Variants in RHOJ observed in about 807,000 individuals in gnomAD.
RHOJ encodes the protein ras homolog family member J.
RHOJ carries 11 observed loss-of-function variants against 23.4 expected under a neutral mutation model. The ratio of observed to expected loss-of-function variants is 0.47; its 90% CI spans 0.30 to 0.78. The LOEUF (loss-of-function observed/expected upper bound fraction) is 0.78. RHOJ is among the 30% of genes least tolerant of loss of function. The pLI is 0.08. For missense variants in RHOJ, 254 were observed against 273.4 expected, an observed-to-expected ratio of 0.93 and a Z score of 0.50; for synonymous variants, 102 against 102.7, an observed-to-expected ratio of 0.99 and a Z score of 0.04.
rs368436257 is a variant in RHOJ, at chr14:63,290,725, G to GAAA, written c.499-140_499-138dup. ...AGGATAGCAGATACAAATTGAAATGGAAAAAAAAAAAAAAAGACAAACATA... is the reference window on the plus strand; with the variant it reads ...AGGATAGCAGATACAAATTGAAATGGAAAAAAAAAAAAAAAAAAGACAAACATA... On this transcript the variant is annotated intron_variant, in intron 4 of 4. Coordinates refer to ENST00000316754, the MANE Select transcript of RHOJ (RefSeq NM_020663.5). Among the ~76,000 whole-genome samples, 59 of 125,804 alleles carry GAAA rather than the reference G, an allele frequency of 4.7e-4. No individual in the cohort carries two copies. The South Asian group carries it at 0.015, about 32-fold the overall frequency. 82.5% of individuals were successfully genotyped at this position (125,804 alleles called of 152,430 possible). A position where few individuals can be genotyped will look rare whatever the true frequency, so the allele number is the denominator to read the frequency against.
chr14:63,204,795 C>T lies in RHOJ; in HGVS notation c.-75C>T. The T allele has an allele frequency of 1.3e-6, 2 of 1,489,434 alleles. No individual in the cohort carries two copies. The highest frequency in any genetic ancestry group is 1.8e-6 in the Non-Finnish European group (2 of 1,092,008). The allele number at this position is 1,489,434 out of a possible 1,614,324, so 92.3% of individuals were successfully genotyped here. On this transcript the variant is annotated 5_prime_UTR_variant, in exon 1 of 5. Coordinates refer to ENST00000316754, the MANE Select transcript of RHOJ (RefSeq NM_020663.5). ...TAAACTCAAGCCTGGCACTGGCTTT[C>T]TGCCGCTTCATGTGCTTTGGAAAAA...
At chr14:63,270,019 C>T (rs1895438760) in intron 2 of RHOJ, among the ~76,000 whole-genome samples, 2 of 152,130 alleles carry the variant, frequency 1.3e-5, no homozygotes, top group African/African-American at 4.8e-5. Context: ...TACCGTATGT[C>T]TTGGGTCATC....
chr14:63,234,826 CTG>C (rs1206590613), intron 1 of RHOJ, among the ~76,000 whole-genome samples: 1 of 152,200 alleles, frequency 6.6e-6, no homozygotes, highest in African/African-American at 2.4e-5. Context: ...ATGCAAATAA[CTG>C]TTTTCTTTAA....
chr14:63,278,806 G>A (rs1194911205), intron 2 of RHOJ, among the ~76,000 whole-genome samples: 1 of 152,012 alleles, frequency 6.6e-6, no homozygotes, highest in Non-Finnish European at 1.5e-5. Context: ...GCAACACAGT[G>A]AGACCCCCAT....
intron 1 of RHOJ, among the ~76,000 whole-genome samples, chr14:63,228,909 C>T (rs142276925): frequency 1.1e-3 from 166 of 152,302 alleles, no homozygotes; most frequent in African/African-American, 3.9e-3. Flanking sequence ...CTTCCAGAGC[C>T]CTCAGTGAGG....
At chr14:63,282,464 C>A (rs1881942213) in intron 3 of RHOJ, among the ~76,000 whole-genome samples, 2 of 152,026 alleles carry the variant, frequency 1.3e-5, no homozygotes, top group Non-Finnish European at 2.9e-5. Flanking sequence ...TTTAAAGCAA[C>A]CAAAATATGT....
chr14:63,272,246 A>G (rs1247455154), intron 2 of RHOJ, among the ~76,000 whole-genome samples: 2 of 152,254 alleles, frequency 1.3e-5, no homozygotes, highest in Non-Finnish European at 2.9e-5. Context: ...TAATTTGGAA[A>G]CAGTGTCCCA....
chr14:63,239,359 G>A lies in RHOJ; in HGVS notation c.179-29751G>A, dbSNP rs928339153. Among the ~76,000 whole-genome samples the A allele has an allele frequency of 9.2e-5, 14 of 151,892 alleles. 1 individual carries two copies. The highest frequency in any genetic ancestry group is 1.3e-4 in the Non-Finnish European group (9 of 67,980). ...ACTCCTGACCTCAAGTGATCCGCCC[G>A]CCTCAGCCTCCCAAAGTGCTAGGAT... On this transcript the variant is annotated intron_variant, in intron 1 of 4. Coordinates refer to ENST00000316754, the MANE Select transcript of RHOJ (RefSeq NM_020663.5).
chr14:63,291,232 C>T lies in RHOJ; in HGVS notation c.*208C>T. The T allele has an allele frequency of 3.3e-6, 2 of 601,286 alleles. No individual in the cohort carries two copies. The highest frequency in any genetic ancestry group is 6.0e-6 in the Non-Finnish European group (2 of 333,660). The allele number at this position is 601,286 out of a possible 1,614,324, so 37.2% of individuals were successfully genotyped here. A position where few individuals can be genotyped will look rare whatever the true frequency, so the allele number is the denominator to read the frequency against. ...CTGCCAGCCAGAAGCATCCGTACTG[C>T]ACGCTGTCTGAGAATGCTGGGCCTG... On this transcript the variant is annotated 3_prime_UTR_variant, in exon 5 of 5. Coordinates refer to ENST00000316754, the MANE Select transcript of RHOJ (RefSeq NM_020663.5).
chr14:63,249,955 T>C (rs1374247212), intron 1 of RHOJ, among the ~76,000 whole-genome samples: 3 of 152,204 alleles, frequency 2.0e-5, no homozygotes, highest in African/African-American at 7.2e-5. Flanking sequence ...ATTTAAATGC[T>C]GTAGCCAGTT....
chr14:63,265,480 G>C (rs1235018034), intron 1 of RHOJ, among the ~76,000 whole-genome samples: 5 of 152,140 alleles, frequency 3.3e-5, no homozygotes, highest in Admixed American at 3.3e-4. Flanking sequence ...TGTTCTTTTT[G>C]CTTAGAATTG....
intron 1 of RHOJ, among the ~76,000 whole-genome samples, chr14:63,236,073 A>G (rs573146975): frequency 3.3e-5 from 5 of 152,256 alleles, no homozygotes; most frequent in African/African-American, 1.2e-4. Flanking sequence ...ATTGTTTTAG[A>G]TTTTTCCACA....
Position 63,291,018 on chromosome 14 carries a change from T to G in RHOJ, c.639T>G (p.Ile213Met). Residue 213 changes from isoleucine to methionine, a missense_variant, in exon 5 of 5, where the codon ATT (isoleucine) becomes ATG (methionine). Transcript: ENST00000316754. Reference protein sequence around the residue: ...RCSEGHSCCSII With the variant: ...RCSEGHSCCSMI Reference sequence around the variant, plus strand: ...CTGAGGGTCACAGCTGCTGTTCAATTATCTGAGGTTGTCTGGGACCTGCCT... The same window carrying G: ...CTGAGGGTCACAGCTGCTGTTCAATGATCTGAGGTTGTCTGGGACCTGCCT... The G allele has an allele frequency of 6.2e-7, 1 of 1,614,086 alleles. No homozygotes were observed. The highest frequency in any genetic ancestry group is 8.5e-7 in the Non-Finnish European group (1 of 1,179,998).
intron 1 of RHOJ, among the ~76,000 whole-genome samples, chr14:63,243,546 G>A (rs1376890702): frequency 1.3e-5 from 2 of 152,062 alleles, no homozygotes; most frequent in African/African-American, 2.4e-5. Flanking sequence ...CCCCATGTTG[G>A]CCAGGATGGT....
At chr14:63,228,029 T>C (rs1250843774) in intron 1 of RHOJ, among the ~76,000 whole-genome samples, 2 of 152,168 alleles carry the variant, frequency 1.3e-5, no homozygotes, top group Non-Finnish European at 2.9e-5. Flanking sequence ...CTTCCAAGAA[T>C]ATTCCTGTGA....
At chr14:63,220,574 G>A (rs7145040) in intron 1 of RHOJ, among the ~76,000 whole-genome samples, 100,257 of 151,966 alleles carry the variant, frequency 0.66, 36,134 homozygotes, top group Middle Eastern at 0.86. Context: ...GACAAGCCGA[G>A]GAACTACCCA....
At chr14:63,208,908 A>G (rs1427543009) in intron 1 of RHOJ, among the ~76,000 whole-genome samples, 2 of 152,038 alleles carry the variant, frequency 1.3e-5, no homozygotes, top group African/African-American at 4.8e-5. Flanking sequence ...GAATTTTTTA[A>G]CTTCCCCAAG....
chr14:63,204,988 G>A lies in RHOJ; in HGVS notation c.119G>A (p.Ser40Asn), dbSNP rs370007516. 2.5e-6 allele frequency: 4 copies of A among 1,614,118 alleles called. No homozygotes were observed. The African/African-American group carries it at 5.3e-5, about 22-fold the overall frequency. ...GAVGKTCLLM[S>N]YANDAFPEEY... ...GTGGGGAAAACCTGCCTGCTGATGA[G>A]CTACGCCAACGACGCCTTCCCAGAG... is the stretch of plus-strand genomic sequence containing the variant. Residue 40 changes from serine to asparagine, a missense_variant, in exon 1 of 5, where the codon AGC becomes AAC. Ser to Asn is a conservative substitution (Grantham distance 46, BLOSUM62 1). Coordinates refer to ENST00000316754, the MANE Select transcript of RHOJ (RefSeq NM_020663.5).
chr14:63,207,692 G>A (rs891320766), intron 1 of RHOJ, among the ~76,000 whole-genome samples: 20 of 152,346 alleles, frequency 1.3e-4, no homozygotes, highest in African/African-American at 4.6e-4. Context: ...GCAAGATGGT[G>A]ATCTCTGAAG....
Sources: allele counts gnomAD v4.1 joint callset (sites outside exome capture counted in the v4.1 genomes callset), GRCh38; gene constraint gnomAD v4.1.1; transcripts MANE v1.5; gene names NCBI Gene and HGNC (gene_info 2026-07-23, HGNC 2026-07-21).